AFAP1L2: variants seen among roughly 807,000 people sequenced by gnomAD.
AFAP1L2 encodes actin filament associated protein 1 like 2.
In AFAP1L2, 46 loss-of-function variants were observed where a neutral mutation model predicts 99.3. The observed-to-expected ratio is 0.46, with a 90% CI of 0.37 to 0.59. AFAP1L2 has a LOEUF of 0.59. Ranked by LOEUF, AFAP1L2 falls within the 20% of genes least tolerant of loss-of-function variation. The pLI is 0.00. For missense variants in AFAP1L2, 959 were observed against 1,034.9 expected, an observed-to-expected ratio of 0.93 and a Z score of 1.01; for synonymous variants, 397 against 419.1, an observed-to-expected ratio of 0.95 and a Z score of 0.64.
At chr10:114,306,111 GCA>G (rs2042317140) in intron 10 of AFAP1L2, among the ~76,000 whole-genome samples, 2 of 84,608 alleles carry the variant, frequency 2.4e-5, no homozygotes, top group Admixed American at 1.0e-4. Flanking sequence ...AGGAAGGGAT[GCA>G]GATGCCTGGA....
intron 1 of AFAP1L2, among the ~76,000 whole-genome samples, chr10:114,381,992 G>A (rs2055695961): frequency 6.6e-6 from 1 of 152,074 alleles, no homozygotes; most frequent in African/African-American, 2.4e-5. Flanking sequence ...CCTTCTCTGG[G>A]GGCAAAGATG....
At chr10:114,308,656 C>T (rs546027300) in intron 8 of AFAP1L2, 139 bp from the exon 9 acceptor site, 17 of 704,738 alleles carry the variant, frequency 2.4e-5, no homozygotes, top group East Asian at 1.1e-4. Flanking sequence ...GCCACCTAAA[C>T]GGCAGAATCC....
intron 1 of AFAP1L2, among the ~76,000 whole-genome samples, chr10:114,381,053 T>C (rs2055547254): frequency 6.6e-6 from 1 of 152,192 alleles, no homozygotes; most frequent in Non-Finnish European, 1.5e-5. Context: ...CATATGTCCA[T>C]TCAAAAACTT....
At chr10:114,311,185 CAGAGGAA>C (rs2043188369) in intron 7 of AFAP1L2, among the ~76,000 whole-genome samples, 1 of 152,144 alleles carries the variant, frequency 6.6e-6, no homozygotes, top group African/African-American at 2.4e-5. Flanking sequence ...TTTGGGCAGT[CAGAGGAA>C]CAGAGCCTGG....
Position 114,295,803 on chromosome 10 carries a change from G to A in AFAP1L2, c.*239C>T, listed in dbSNP as rs1044024311. On this transcript the variant is annotated 3_prime_UTR_variant, in exon 19 of 19. Transcript: ENST00000304129. ...AACACAGAACATCCCTAAATACAACGTCTTGTTTACATCCAATAGACTTAG... is the reference window on the plus strand; with the variant it reads ...AACACAGAACATCCCTAAATACAACATCTTGTTTACATCCAATAGACTTAG... 52 of 1,315,926 alleles carry A rather than the reference G, an allele frequency of 4.0e-5. No homozygotes were observed. The highest frequency in any genetic ancestry group is 8.9e-5 in the African/African-American group (6 of 67,248). The allele number at this position is 1,315,926 out of a possible 1,614,324, so 81.5% of individuals were successfully genotyped here.
intron 13 of AFAP1L2, among the ~76,000 whole-genome samples, chr10:114,301,102 AC>A (rs1223581178): frequency 6.6e-6 from 1 of 152,020 alleles, no homozygotes; most frequent in Non-Finnish European, 1.5e-5. Flanking sequence ...CCACCACCAC[AC>A]CCCTAGCCCT....
At chr10:114,303,726 G>A (rs1012904061) in intron 11 of AFAP1L2, among the ~76,000 whole-genome samples, 1 of 151,998 alleles carries the variant, frequency 6.6e-6, no homozygotes, top group African/African-American at 2.4e-5. Flanking sequence ...TGCCCCCTCC[G>A]ATCCACTCCC....
intron 1 of AFAP1L2, among the ~76,000 whole-genome samples, chr10:114,372,034 A>G (rs1237008365): frequency 6.6e-6 from 1 of 152,218 alleles, no homozygotes; most frequent in Non-Finnish European, 1.5e-5. Context: ...CCAGCAAGTC[A>G]CATCTTGCAG....
intron 8 of AFAP1L2, 85 bp downstream of exon 8, chr10:114,310,269 A>G: frequency 7.3e-7 from 1 of 1,377,214 alleles, no homozygotes; most frequent in Non-Finnish European, 1.0e-6. Context: ...TGAAATATAA[A>G]AACGAAGCTC....
intron 1 of AFAP1L2, among the ~76,000 whole-genome samples, chr10:114,381,085 C>T (rs940757210): frequency 2.0e-5 from 3 of 152,110 alleles, no homozygotes; most frequent in African/African-American, 4.8e-5. Flanking sequence ...GTTACAGCAG[C>T]GTAGCAGCAT....
chr10:114,289,542 C>T, the AFAP1L2 span: 1 of 1,596,932 alleles, frequency 6.3e-7, no homozygotes. Context: ...GGCCCTCAGC[C>T]TGAGCCTTCA....
intron 1 of AFAP1L2, among the ~76,000 whole-genome samples, chr10:114,367,378 A>G (rs943340552): frequency 6.6e-6 from 1 of 152,160 alleles, no homozygotes; most frequent in Admixed American, 6.5e-5. Flanking sequence ...GGTGTATTCC[A>G]TCCCTAAAAT....
In AFAP1L2 at chr10:114,340,589, G is replaced by A. The variant is rs2048677576; in HGVS notation, c.145+14C>T. 1 of 1,612,758 alleles carries A rather than the reference G, an allele frequency of 6.2e-7. No individual in the cohort carries two copies. The highest frequency in any genetic ancestry group is 8.5e-7 in the Non-Finnish European group (1 of 1,179,332). ...GGCGTGGAGGCCTCTGCACCACCCA[G>A]GGCCCACACTCACTGCTGCTTTTGG... On this transcript the variant is annotated intron_variant, in intron 2 of 18. Coordinates refer to ENST00000304129, the MANE Select transcript of AFAP1L2 (RefSeq NM_001001936.3).
intron 1 of AFAP1L2, among the ~76,000 whole-genome samples, chr10:114,372,359 C>T (rs12217913): frequency 2.0e-5 from 3 of 152,168 alleles, no homozygotes; most frequent in Non-Finnish European, 4.4e-5. Context: ...CATTGTGTGT[C>T]TGAGAATTTA....
chr10:114,289,382 G>C, the AFAP1L2 span: 1 of 1,613,264 alleles, frequency 6.2e-7, no homozygotes, highest in Admixed American at 1.7e-5. Context: ...CCTGTCCTAA[G>C]TGAGGGTCTG....
In AFAP1L2 at chr10:114,300,231, G is replaced by A. The variant is rs1199681547; in HGVS notation, c.1920C>T (p.Ser640=). The part of the protein sequence containing the change: ...DAVVATPPGA[S]PPVKDRLRVT... Reference sequence around the variant, plus strand: ...CGCGCAACCTGTCCTTCACAGGTGGGCTGGCACCAGGTGGGGTGGCCACCA... The same window carrying A: ...CGCGCAACCTGTCCTTCACAGGTGGACTGGCACCAGGTGGGGTGGCCACCA... Residue 640 remains serine (S), a synonymous_variant, in exon 15 of 19, where the codon AGC becomes AGT. Coordinates refer to ENST00000304129, the MANE Select transcript of AFAP1L2 (RefSeq NM_001001936.3). The A allele has an allele frequency of 1.2e-6, 2 of 1,614,002 alleles. No individual in the cohort carries two copies. The highest frequency in any genetic ancestry group is 3.3e-5 in the Admixed American group (2 of 60,010).
intron 12 of AFAP1L2, chr10:114,302,107 G>A: frequency 1.8e-6 from 1 of 550,244 alleles, no homozygotes. Context: ...CTCTGAGGAT[G>A]CCAAAGCTGC....
chr10:114,335,210 G>A (rs777974106), intron 2 of AFAP1L2, among the ~76,000 whole-genome samples: 50 of 152,104 alleles, frequency 3.3e-4, no homozygotes, highest in Admixed American at 2.5e-3. Context: ...CTTTGACCCA[G>A]CATTTCTACT....
At chr10:114,306,496 C>T (rs1345334518) in intron 10 of AFAP1L2, among the ~76,000 whole-genome samples, 3 of 151,984 alleles carry the variant, frequency 2.0e-5, no homozygotes, top group Non-Finnish European at 1.5e-5. Context: ...TGGAAGCTGC[C>T]CTGAGCTTTG....
Sources: allele counts gnomAD v4.1 joint callset (sites outside exome capture counted in the v4.1 genomes callset), GRCh38; gene constraint gnomAD v4.1.1; transcripts MANE v1.5; gene names NCBI Gene and HGNC (gene_info 2026-07-23, HGNC 2026-07-21).